Variants in NUAK1 observed in about 807,000 individuals in gnomAD.
NUAK1 encodes NUAK family SNF1-like kinase 1.
A neutral mutation model predicts 56.9 loss-of-function variants in NUAK1; 26 were observed. That is an observed-to-expected ratio of 0.46 (90% CI 0.33 to 0.63). NUAK1 has a LOEUF of 0.63. NUAK1 is among the 30% of genes least tolerant of loss of function. The pLI, the probability that NUAK1 is intolerant of heterozygous loss-of-function variation, is 0.02. For missense variants in NUAK1, 727 were observed against 876.1 expected, an observed-to-expected ratio of 0.83 and a Z score of 2.15; for synonymous variants, 337 against 336.0, an observed-to-expected ratio of 1.00 and a Z score of -0.03.
At chr12:106,131,845 G>A (rs1408167781) in intron 1 of NUAK1, among the ~76,000 whole-genome samples, 2 of 152,090 alleles carry the variant, frequency 1.3e-5, no homozygotes, top group Non-Finnish European at 2.9e-5. Flanking sequence ...CTGTTTCCAG[G>A]GAATTTTATC....
Position 106,138,800 on chromosome 12 carries a change from T to C in NUAK1, c.-147A>G. On this transcript the variant is annotated 5_prime_UTR_variant, in exon 1 of 7. Coordinates refer to ENST00000261402, the MANE Select transcript of NUAK1 (RefSeq NM_014840.3). This position sits in a 1 kb window ranked among gnomAD's most constrained non-coding sequence, Gnocchi z 5.0. Reference sequence around the variant, plus strand: ...GGCCCGATACCGCTCGGACTGCGGCTCGGTCACTGGCGGCGGCGGGGACTG... The same window carrying C: ...GGCCCGATACCGCTCGGACTGCGGCCCGGTCACTGGCGGCGGCGGGGACTG... 8.8e-7 allele frequency: 1 copy of C among 1,140,464 alleles called. No individual in the cohort carries two copies. The highest frequency in any genetic ancestry group is 1.2e-6 in the Non-Finnish European group (1 of 869,538). The allele number at this position is 1,140,464 out of a possible 1,614,324, so 70.6% of individuals were successfully genotyped here.
Position 106,089,519 on chromosome 12 carries a change from C to T in NUAK1, c.362-2634G>A, listed in dbSNP as rs928717160. Among the ~76,000 whole-genome samples, 3 of 152,326 alleles carry T rather than the reference C, an allele frequency of 2.0e-5. 1 individual carries two copies. The highest frequency in any genetic ancestry group is 4.1e-4 in the South Asian group (2 of 4,828). ...AATATATCCCGAGTCTGGCCAGGTA[C>T]GGTGGCTCACGCCTGTAATCCCAGC... is the stretch of plus-strand genomic sequence containing the variant. On this transcript the variant is annotated intron_variant, in intron 2 of 6. Coordinates refer to ENST00000261402, the MANE Select transcript of NUAK1 (RefSeq NM_014840.3).
intron 4 of NUAK1, among the ~76,000 whole-genome samples, chr12:106,074,937 C>A (rs890866274): frequency 6.6e-6 from 1 of 152,026 alleles, no homozygotes; most frequent in Admixed American, 6.5e-5. Flanking sequence ...ATGAAGTGTG[C>A]CCTGTCAATC....
chr12:106,126,374 G>C (rs1302719878), intron 1 of NUAK1, among the ~76,000 whole-genome samples: 1 of 152,216 alleles, frequency 6.6e-6, no homozygotes, highest in Non-Finnish European at 1.5e-5. Context: ...AAAAATGACA[G>C]AGATATTTCT....
intron 2 of NUAK1, among the ~76,000 whole-genome samples, chr12:106,091,242 A>C (rs1394811835): frequency 1.3e-5 from 2 of 152,232 alleles, no homozygotes; most frequent in Non-Finnish European, 2.9e-5. Flanking sequence ...TTGGCCAGAC[A>C]GTTTTACCCA....
At chr12:106,095,119 G>C (rs1178250299) in intron 2 of NUAK1, among the ~76,000 whole-genome samples, 1 of 152,034 alleles carries the variant, frequency 6.6e-6, no homozygotes. Context: ...CTATTGCTCT[G>C]TCTCAGCTTT....
intron 4 of NUAK1, among the ~76,000 whole-genome samples, chr12:106,074,915 G>A (rs2032444693): frequency 6.6e-6 from 1 of 152,160 alleles, no homozygotes; most frequent in Non-Finnish European, 1.5e-5. Context: ...CAGGAAGTTG[G>A]TTGGAAGCTT....
At position 106,131,168 on chromosome 12, in the gene NUAK1, C is replaced by G. The variant is rs968696690; in HGVS notation, c.240+7246G>C. 9.2e-5 allele frequency among the ~76,000 whole-genome samples: 14 copies of G among 152,176 alleles called. No individual in the cohort carries two copies. In the East Asian group the frequency reaches 1.2e-3, roughly 13 times the overall value. On this transcript the variant is annotated intron_variant, in intron 1 of 6. Coordinates refer to ENST00000261402, the MANE Select transcript of NUAK1 (RefSeq NM_014840.3). The stretch of plus-strand genomic sequence containing the variant: ...TCCCACTCTCCACCCTGAGCCCCCC[C>G]CTTTTTAAGTTATTACCAGCTTTAT...
chr12:106,116,435 C>T (rs2032917673), intron 1 of NUAK1, among the ~76,000 whole-genome samples: 1 of 152,196 alleles, frequency 6.6e-6, no homozygotes, highest in Non-Finnish European at 1.5e-5. Flanking sequence ...ATAATAATTA[C>T]CAGTTATCAA....
intron 4 of NUAK1, among the ~76,000 whole-genome samples, chr12:106,079,854 T>G (rs2032498814): frequency 6.6e-6 from 1 of 152,326 alleles, no homozygotes; most frequent in South Asian, 2.1e-4. Context: ...GTTTAACAAC[T>G]GCGAGATCCT....
intron 1 of NUAK1, among the ~76,000 whole-genome samples, chr12:106,121,259 G>C (rs2032970989): frequency 6.6e-6 from 1 of 152,176 alleles, no homozygotes; most frequent in African/African-American, 2.4e-5. Flanking sequence ...CCGTCACAGA[G>C]TTGCTGTGAA....
chr12:106,131,476 T>A (rs1197021880), intron 1 of NUAK1, among the ~76,000 whole-genome samples: 1 of 152,238 alleles, frequency 6.6e-6, no homozygotes, highest in Non-Finnish European at 1.5e-5. Context: ...TCACTGAACA[T>A]AATGTTTTCA....
chr12:106,108,583 G>A (rs1221060061), intron 1 of NUAK1, among the ~76,000 whole-genome samples: 1 of 152,180 alleles, frequency 6.6e-6, no homozygotes, highest in Non-Finnish European at 1.5e-5. Context: ...ACCTTGTTCT[G>A]GGAGGAAGCA....
chr12:106,110,392 G>A (rs561929793), intron 1 of NUAK1, among the ~76,000 whole-genome samples: 1 of 152,188 alleles, frequency 6.6e-6, no homozygotes. Context: ...GGGGTGGGGA[G>A]GGTACGGGCA....
intron 1 of NUAK1, among the ~76,000 whole-genome samples, chr12:106,111,937 G>C (rs559352006): frequency 2.7e-5 from 4 of 147,922 alleles, no homozygotes; most frequent in Admixed American, 6.7e-5. Flanking sequence ...GCTAGAATTC[G>C]AGCCCAGAGG....
chr12:106,086,676 T>C, intron 3 of NUAK1, 58 bp downstream of exon 3: 1 of 1,541,150 alleles, frequency 6.5e-7, no homozygotes, highest in South Asian at 1.2e-5. Flanking sequence ...AGGAAAAAAA[T>C]CATGCAGTGC....
At chr12:106,098,144 A>G (rs1275723201) in intron 2 of NUAK1, among the ~76,000 whole-genome samples, 1 of 152,132 alleles carries the variant, frequency 6.6e-6, no homozygotes, top group Admixed American at 6.5e-5. Context: ...TTTCGCCAAG[A>G]GTGGTATCTC....
chr12:106,068,407 G>A (rs973523724), intron 6 of NUAK1, among the ~76,000 whole-genome samples: 2 of 152,214 alleles, frequency 1.3e-5, no homozygotes, highest in African/African-American at 4.8e-5. Context: ...TAAACACACA[G>A]CACCTGCAGT....
Position 106,066,468 on chromosome 12 carries a change from C to CA in NUAK1, c.*333_*334insT. The CA allele has an allele frequency of 3.4e-6, 1 of 295,122 alleles. No individual in the cohort carries two copies. Among genetic ancestry groups the CA allele is most frequent in the Non-Finnish European group, 6.4e-6 (1 of 155,232 alleles). 18.3% of individuals were successfully genotyped at this position (295,122 alleles called of 1,614,324 possible). A position where few individuals can be genotyped will look rare whatever the true frequency, so the allele number is the denominator to read the frequency against. On this transcript the variant is annotated 3_prime_UTR_variant, in exon 7 of 7. Coordinates refer to ENST00000261402, the MANE Select transcript of NUAK1 (RefSeq NM_014840.3). ...CCCTCCTCCAGAAGCATCTGGATGACTTCTAAGGAAATGCTCCTTCCACAT... is the reference window on the plus strand; with the variant it reads ...CCCTCCTCCAGAAGCATCTGGATGACATTCTAAGGAAATGCTCCTTCCACAT...
Sources: gnomAD v4.1 joint callset for allele counts (sites outside exome capture counted in the v4.1 genomes callset) on GRCh38, gnomAD v4.1.1 for gene constraint, Gnocchi (gnomAD v3.1) non-coding constraint, MANE v1.5 for transcripts, NCBI Gene and HGNC (gene_info 2026-07-23, HGNC 2026-07-21) for gene names.